Variants in PLD5 observed in about 807,000 individuals in gnomAD.
The protein encoded by PLD5 is phospholipase D family member 5, also known as inactive phospholipase D5.
Under a neutral mutation model 61.1 loss-of-function variants are expected in PLD5, and 36 were observed. The ratio of observed to expected loss-of-function variants is 0.59; its 90% CI spans 0.45 to 0.78. The LOEUF is 0.78. PLD5 is among the 30% of genes least tolerant of loss of function. The probability of loss-of-function intolerance (pLI) is 0.00; values close to 1 mark genes in which losing one functional copy is unlikely to be tolerated. For synonymous variants in PLD5, 243 were observed against 242.8 expected, an observed-to-expected ratio of 1.00 and a Z score of -0.01; for missense variants, 515 against 644.4, an observed-to-expected ratio of 0.80 and a Z score of 2.17.
intron 4 of PLD5, among the ~76,000 whole-genome samples, chr1:242,227,940 T>C (rs2149029456): frequency 6.6e-6 from 1 of 152,338 alleles, no homozygotes; most frequent in African/African-American, 2.4e-5. Flanking sequence ...CCATGTAAAA[T>C]TGCTAAAGAA....
intron 5 of PLD5, among the ~76,000 whole-genome samples, chr1:242,135,942 T>G (rs1663688055): frequency 6.6e-6 from 1 of 152,034 alleles, no homozygotes. Flanking sequence ...GGAATGAATT[T>G]AGCATGCAGA....
At chr1:242,441,505 G>A (rs1052885612) in intron 1 of PLD5, among the ~76,000 whole-genome samples, 6 of 151,820 alleles carry the variant, frequency 4.0e-5, no homozygotes, top group Admixed American at 3.9e-4. Context: ...AATTAATTTG[G>A]CTTACTAAGC....
At chr1:242,348,539 A>T (rs1443477095) in intron 1 of PLD5, among the ~76,000 whole-genome samples, 2 of 152,160 alleles carry the variant, frequency 1.3e-5, no homozygotes, top group Non-Finnish European at 2.9e-5. Context: ...TCCAGAAAAG[A>T]TCACTAGATA....
intron 2 of PLD5, among the ~76,000 whole-genome samples, chr1:242,301,624 G>A (rs370259101): frequency 2.6e-5 from 4 of 151,870 alleles, no homozygotes; most frequent in Admixed American, 1.3e-4. Flanking sequence ...ATTAACTAGC[G>A]TTTATCTGTC....
chr1:242,134,329 C>T (rs886521925), intron 5 of PLD5, among the ~76,000 whole-genome samples: 1 of 152,024 alleles, frequency 6.6e-6, no homozygotes, highest in Non-Finnish European at 1.5e-5. Flanking sequence ...AGGGTCAGGC[C>T]TGGTTAGCCC....
chr1:242,382,991 T>G (rs750085901), intron 1 of PLD5, among the ~76,000 whole-genome samples: 1 of 152,224 alleles, frequency 6.6e-6, no homozygotes, highest in African/African-American at 2.4e-5. Context: ...CAGAATTAGC[T>G]TCTTCCTTGA....
intron 2 of PLD5, among the ~76,000 whole-genome samples, chr1:242,320,312 GACC>G (rs1658306965): frequency 6.6e-6 from 1 of 152,132 alleles, no homozygotes; most frequent in African/African-American, 2.4e-5. Context: ...ACATTTTTCT[GACC>G]ACATTTTAAA....
chr1:242,493,342 G>A (rs1338348275), intron 1 of PLD5, among the ~76,000 whole-genome samples: 1 of 152,110 alleles, frequency 6.6e-6, no homozygotes, highest in Non-Finnish European at 1.5e-5. Flanking sequence ...GGGAGGCCAC[G>A]CAGCGAATGT....
At chr1:242,368,350 G>A (rs1229056402) in intron 1 of PLD5, among the ~76,000 whole-genome samples, 1 of 151,976 alleles carries the variant, frequency 6.6e-6, no homozygotes, top group African/African-American at 2.4e-5. Context: ...TGTCTGGGGT[G>A]ATATTCAACG....
chr1:242,302,236 T>C (rs1330574876), intron 2 of PLD5, among the ~76,000 whole-genome samples: 3 of 152,242 alleles, frequency 2.0e-5, no homozygotes, highest in Admixed American at 1.3e-4. Flanking sequence ...TAGTAGGCTA[T>C]GCTAATGATG....
At chr1:242,229,944 C>T (rs1056467909) in intron 4 of PLD5, among the ~76,000 whole-genome samples, 2 of 151,578 alleles carry the variant, frequency 1.3e-5, no homozygotes, top group African/African-American at 4.9e-5. Flanking sequence ...AATTAGGGTC[C>T]ATTCAGTTCC....
chr1:242,175,500 T>C (rs1192421038), intron 5 of PLD5, among the ~76,000 whole-genome samples: 1 of 152,214 alleles, frequency 6.6e-6, no homozygotes, highest in East Asian at 1.9e-4. Context: ...TCATCTGGAA[T>C]GGGCAAAAAC....
intron 5 of PLD5, among the ~76,000 whole-genome samples, chr1:242,165,452 GAA>G (rs34435412): frequency 8.6e-6 from 1 of 115,672 alleles, no homozygotes; most frequent in East Asian, 2.2e-4. Flanking sequence ...GCTTTAAAGG[GAA>G]AAAAAAAAAA....
intron 1 of PLD5, among the ~76,000 whole-genome samples, chr1:242,379,806 C>A (rs1288807804): frequency 6.6e-6 from 1 of 152,040 alleles, no homozygotes; most frequent in Non-Finnish European, 1.5e-5. Context: ...TATATTTATG[C>A]AAAAAGTTAT....
intron 1 of PLD5, among the ~76,000 whole-genome samples, chr1:242,355,267 G>A (rs12747125): frequency 1.3e-5 from 2 of 152,176 alleles, no homozygotes; most frequent in African/African-American, 2.4e-5. Flanking sequence ...TTCTTGATGA[G>A]AGACTTTTCA....
chr1:242,156,483 C>T (rs192564708), intron 5 of PLD5, among the ~76,000 whole-genome samples: 25 of 151,540 alleles, frequency 1.6e-4, no homozygotes, highest in African/African-American at 5.6e-4. Context: ...TTTGCAGTGG[C>T]TGGTACTGGG....
intron 5 of PLD5, among the ~76,000 whole-genome samples, chr1:242,190,624 G>GT (rs1316564488): frequency 6.6e-6 from 1 of 151,782 alleles, no homozygotes; most frequent in African/African-American, 2.4e-5. Context: ...GCTCACAGCT[G>GT]TAACATCAGC....
intron 2 of PLD5, among the ~76,000 whole-genome samples, chr1:242,322,890 G>GTA (rs947054972): frequency 2.0e-5 from 3 of 151,986 alleles, no homozygotes; most frequent in Admixed American, 6.6e-5. Context: ...TAATACATAT[G>GTA]TATATATATG....
At chr1:242,487,821 A>G (rs1383187812) in intron 1 of PLD5, among the ~76,000 whole-genome samples, 1 of 134,242 alleles carries the variant, frequency 7.4e-6, no homozygotes, top group African/African-American at 2.6e-5. Flanking sequence ...GAATTAATTT[A>G]TAATTCTCTA....
Sources: allele counts gnomAD v4.1 joint callset (sites outside exome capture counted in the v4.1 genomes callset), GRCh38; gene constraint gnomAD v4.1.1; transcripts MANE v1.5; gene names NCBI Gene and HGNC (gene_info 2026-07-23, HGNC 2026-07-21).